The following EMD variants were observed in gnomAD, a reference collection of about 807,000 sequenced individuals.
EMD encodes emerin.
In EMD, 2 loss-of-function variants were observed where a neutral mutation model predicts 15.2. The observed-to-expected ratio is 0.13, with a 90% CI of 0.05 to 0.41. EMD has a LOEUF of 0.41. Among genes scored for constraint, EMD ranks in the 10% least tolerant of loss-of-function variants. EMD has a pLI of 0.99. For missense variants in EMD, 224 were observed against 213.4 expected (o/e 1.05, Z -0.31); for synonymous variants, 122 against 86.2 (o/e 1.42, Z -2.30).
rs371016049 is a variant in EMD at position 154,379,930 on chromosome X, C to T, written c.188-12C>T. 1.1e-4 allele frequency: 134 copies of T among 1,207,316 alleles called. No individual in the cohort carries two copies. Among genetic ancestry groups the T allele is most frequent in the Non-Finnish European group, 1.5e-4 (130 of 892,990 alleles). On this transcript the variant is annotated splice_polypyrimidine_tract_variant and intron_variant, in intron 2 of 5. Coordinates refer to ENST00000369842, the MANE Select transcript of EMD (RefSeq NM_000117.3). ...GGGGGGCAAACAGTTCTGTCTCCTC[C>T]TTTCAATCCAGACTTGAATTCGACT... is the stretch of plus-strand genomic sequence containing the variant.
chrX:154,381,095 C>G lies in EMD; in HGVS notation c.663C>G (p.Arg221=). 2 of 1,212,073 alleles carry G rather than the reference C, an allele frequency of 1.7e-6. No homozygotes were observed. Among genetic ancestry groups the G allele is most frequent in the Non-Finnish European group, 2.2e-6 (2 of 895,481 alleles). The change falls in exon 6 of 6, where the codon CGC becomes CGG. Residue 221 remains arginine (R), a synonymous_variant. Coordinates refer to ENST00000369842, the MANE Select transcript of EMD (RefSeq NM_000117.3). ...RAPGAGLGQD[R]QVPLWGQLLL... is the part of the protein sequence containing the mutation. ...CTGGGGCTGGGCTGGGCCAGGATCG[C>G]CAGGTCCCGCTCTGGGGCCAGCTGC... is the stretch of plus-strand genomic sequence containing the variant.
At position 154,381,191 on chromosome X, in the gene EMD, C is replaced by T. The variant is rs1569552110; in HGVS notation, c.759C>T (p.Pro253=). The change falls in exon 6 of 6, where the codon CCC becomes CCT. Residue 253 remains proline (P), a synonymous_variant. Coordinates refer to ENST00000369842, the MANE Select transcript of EMD (RefSeq NM_000117.3). ...TCATGCAGGCTGAAGAAGGCAACCC[C>T]TTCTAGAGGGAGCCATGAGGGTCTG... ...YHFMQAEEGN[P]F The T allele has an allele frequency of 2.6e-6, 3 of 1,157,957 alleles. No homozygotes were observed. The highest frequency in any genetic ancestry group is 1.8e-5 in the South Asian group (1 of 56,161).
chrX:154,379,554 G>C lies in EMD; in HGVS notation c.70G>C (p.Gly24Arg). 8.5e-7 allele frequency: 1 copy of C among 1,170,100 alleles called. No individual in the cohort carries two copies. Among genetic ancestry groups the C allele is most frequent in the Non-Finnish European group, 1.1e-6 (1 of 874,164 alleles). The change falls in exon 1 of 6, where the codon GGG becomes CGG. Residue 24 changes from glycine to arginine, a missense_variant. Transcript: ENST00000369842. ...GCTGCGCCGGTACAACATCCCGCAC[G>C]GGCCTGTAGTAGGTACGCGGCGGCG... The part of the protein sequence containing the change: ...TLLRRYNIPH[G>R]PVVGSTRRLY...
At chrX:154,380,579 T>G in intron 4 of EMD, 174 bp from the exon 5 acceptor site, 1 of 833,115 alleles carries the variant, frequency 1.2e-6, no homozygotes, top group Non-Finnish European at 1.7e-6. Flanking sequence ...TGAGCACAAG[T>G]GGCAAGGCCC....
Position 154,379,739 on chromosome X carries a change from G to A in EMD, c.132G>A (p.Gln44=), listed in dbSNP as rs1322660028. The A allele has an allele frequency of 5.0e-6, 6 of 1,207,491 alleles. No individual in the cohort carries two copies. In the East Asian group the frequency reaches 8.9e-5, roughly 18 times the overall value. The change falls in exon 2 of 6, where the codon CAG becomes CAA. Residue 44 remains glutamine (Q), a synonymous_variant. Coordinates refer to ENST00000369842, the MANE Select transcript of EMD (RefSeq NM_000117.3). The stretch of plus-strand genomic sequence containing the variant: ...AGAAGATCTTCGAGTACGAGACCCA[G>A]AGGCGGCGGCTCTCGCCCCCCAGCT... ...YEKKIFEYET[Q]RRRLSPPSSS...
intron 4 of EMD, 86 bp from the exon 5 acceptor site, chrX:154,380,667 C>G (rs904996990): frequency 1.7e-6 from 2 of 1,161,918 alleles, no homozygotes; most frequent in Non-Finnish European, 2.3e-6. Flanking sequence ...TCAGAGGGGA[C>G]TGGCTGGGGA....
In EMD at chrX:154,379,356, G is replaced by T; in HGVS notation, c.-129G>T. 2 of 667,039 alleles carry T rather than the reference G, an allele frequency of 3.0e-6. No individual in the cohort carries two copies. The highest frequency in any genetic ancestry group is 5.5e-5 in the South Asian group (2 of 36,175). 55.0% of individuals were successfully genotyped at this position (667,039 alleles called of 1,213,427 possible). A position where few individuals can be genotyped will look rare whatever the true frequency, so the allele number is the denominator to read the frequency against. ...TCGGCTGTGACGCGACAACGATTCG[G>T]CTGTGACGCGAGCGCGGCCGCTCCC... On this transcript the variant is annotated 5_prime_UTR_variant, in exon 1 of 6. Coordinates refer to ENST00000369842, the MANE Select transcript of EMD (RefSeq NM_000117.3).
chrX:154,381,150 T>C lies in EMD; in HGVS notation c.718T>C (p.Phe240Leu), dbSNP rs782644985. The change falls in exon 6 of 6, where the codon TTC becomes CTC. Residue 240 changes from phenylalanine (F) to leucine (L), a missense_variant. Transcript: ENST00000369842. ...LLFLVFVIVL[F>L]FIYHFMQAEE... ...TTTCCTGGTCTTTGTGATCGTCCTCTTCTTCATTTACCACTTCATGCAGGC... is the reference window on the plus strand; with the variant it reads ...TTTCCTGGTCTTTGTGATCGTCCTCCTCTTCATTTACCACTTCATGCAGGC... 1.2e-5 allele frequency: 14 copies of C among 1,209,810 alleles called. No homozygotes were observed. Among genetic ancestry groups the C allele is most frequent in the South Asian group, 5.3e-5 (3 of 56,810 alleles).
rs782552135 is a variant in EMD, at chrX:154,379,784, T to C, written c.177T>C (p.Tyr59=). 14 of 1,201,332 alleles carry C rather than the reference T, an allele frequency of 1.2e-5. No homozygotes were observed. The South Asian group carries it at 1.6e-4, about 14-fold the overall frequency. ...CCAGCTCGTCCGCCGCCTCCTCTTA[T>C]AGCTTCTCTGGTGAGAGCCTCGCCT... is the stretch of plus-strand genomic sequence containing the variant. ...SPPSSSAASS[Y]SFSDLNSTRG... is the part of the protein sequence containing the mutation. The change falls in exon 2 of 6, where the codon TAT becomes TAC. Residue 59 remains tyrosine (Y), a synonymous_variant. Transcript: ENST00000369842.
intron 4 of EMD, 176 bp from the exon 5 acceptor site, chrX:154,380,577 A>G: frequency 1.2e-6 from 1 of 831,572 alleles, no homozygotes; most frequent in Non-Finnish European, 1.7e-6. Context: ...CATGAGCACA[A>G]GTGGCAAGGC....
intron 4 of EMD, 74 bp from the exon 5 acceptor site, chrX:154,380,679 G>T (rs1283023517): frequency 1.7e-6 from 2 of 1,191,197 alleles, no homozygotes; most frequent in South Asian, 1.8e-5. Context: ...GGCTGGGGAA[G>T]TTTGGACTGA....
intron 3 of EMD, 24 bp downstream of exon 3, chrX:154,380,043 C>A (rs1308579752): frequency 4.2e-6 from 5 of 1,203,194 alleles, no homozygotes; most frequent in Non-Finnish European, 5.6e-6. Context: ...TGGGTGGGCA[C>A]GCTGGCACCT....
intron 4 of EMD, 90 bp downstream of exon 4, chrX:154,380,457 A>G: frequency 6.8e-6 from 8 of 1,179,228 alleles, no homozygotes; most frequent in Non-Finnish European, 9.2e-6. Context: ...CTGGGTACAA[A>G]TGGTGGCTCT....
Position 154,379,369 on chromosome X carries a change from C to T in EMD, c.-116C>T. 3 of 758,242 alleles carry T rather than the reference C, an allele frequency of 4.0e-6. No individual in the cohort carries two copies. Among genetic ancestry groups the T allele is most frequent in the Non-Finnish European group, 5.7e-6 (3 of 529,136 alleles). The allele number at this position is 758,242 out of a possible 1,213,427, so 62.5% of individuals were successfully genotyped here. A position where few individuals can be genotyped will look rare whatever the true frequency, so the allele number is the denominator to read the frequency against. On this transcript the variant is annotated 5_prime_UTR_variant, in exon 1 of 6. Coordinates refer to ENST00000369842, the MANE Select transcript of EMD (RefSeq NM_000117.3). Reference sequence around the variant, plus strand: ...GACAACGATTCGGCTGTGACGCGAGCGCGGCCGCTCCCGATGCGCTCGTGC... The same window carrying T: ...GACAACGATTCGGCTGTGACGCGAGTGCGGCCGCTCCCGATGCGCTCGTGC...
In EMD at chrX:154,379,387, G is replaced by A; in HGVS notation, c.-98G>A. 1 of 940,794 alleles carries A rather than the reference G, an allele frequency of 1.1e-6. No homozygotes were observed. 77.5% of individuals were successfully genotyped at this position (940,794 alleles called of 1,213,427 possible). A position where few individuals can be genotyped will look rare whatever the true frequency, so the allele number is the denominator to read the frequency against. On this transcript the variant is annotated 5_prime_UTR_variant, in exon 1 of 6. Transcript: ENST00000369842. ...ACGCGAGCGCGGCCGCTCCCGATGC[G>A]CTCGTGCCGCCCCCGCCGTGCTCCT...
At position 154,381,279 on chromosome X, in the gene EMD, GGGGGCA is replaced by G. The variant is rs1191128249; in HGVS notation, c.*94_*99del. 853 of 903,422 alleles carry G rather than the reference GGGGGCA, an allele frequency of 9.4e-4. 11 individuals are homozygous for G. The African/African-American group carries it at 0.017, about 18-fold the overall frequency. 74.5% of individuals were successfully genotyped at this position (903,422 alleles called of 1,213,427 possible). A position where few individuals can be genotyped will look rare whatever the true frequency, so the allele number is the denominator to read the frequency against. On this transcript the variant is annotated 3_prime_UTR_variant, in exon 6 of 6. Coordinates refer to ENST00000369842, the MANE Select transcript of EMD (RefSeq NM_000117.3). ...CTGCCTTAGCAGTGGGGGTGGGGGT[GGGGGCA>G]GGGGCAGGGGCTTTATGTGTTTTTG...
At position 154,380,791 on chromosome X, in the gene EMD, G is replaced by A. The variant is rs1557182564; in HGVS notation, c.438G>A (p.Glu146=). 8.3e-7 allele frequency: 1 copy of A among 1,212,117 alleles called. No individual in the cohort carries two copies. The highest frequency in any genetic ancestry group is 1.1e-6 in the Non-Finnish European group (1 of 895,610). ...DDDLLSSSEE[E]CKDRERPMYG... ...ATCTTTTGTCTTCTTCTGAAGAGGA[G>A]TGCAAGGATAGGTGCGTAGTGGGGG... is the stretch of plus-strand genomic sequence containing the variant. The change falls in exon 5 of 6, where the codon GAG becomes GAA. Residue 146 remains glutamate (E), a synonymous_variant. Transcript: ENST00000369842.
intron 3 of EMD, 37 bp from the exon 4 acceptor site, chrX:154,380,197 C>T (rs1557182418): frequency 9.1e-6 from 11 of 1,208,706 alleles, no homozygotes; most frequent in African/African-American, 1.7e-5. Flanking sequence ...CGGGGCACAC[C>T]GATGCCCCCT....
At position 154,381,401 on chromosome X, in the gene EMD, C is replaced by T; in HGVS notation, c.*204C>T. ...CAGCAGACTCAGGCCCTCCATGGTCCTCTTTGTCATTTTGTTGACATGCAT... is the reference window on the plus strand; with the variant it reads ...CAGCAGACTCAGGCCCTCCATGGTCTTCTTTGTCATTTTGTTGACATGCAT... On this transcript the variant is annotated 3_prime_UTR_variant, in exon 6 of 6. Coordinates refer to ENST00000369842, the MANE Select transcript of EMD (RefSeq NM_000117.3). 6.6e-6 allele frequency: 3 copies of T among 452,361 alleles called. No individual in the cohort carries two copies. Among genetic ancestry groups the T allele is most frequent in the Admixed American group, 8.9e-5 (2 of 22,460 alleles). 37.3% of individuals were successfully genotyped at this position (452,361 alleles called of 1,213,427 possible).
Sources: allele counts gnomAD v4.1 joint callset, GRCh38; gene constraint gnomAD v4.1.1; transcripts MANE v1.5; gene names NCBI Gene and HGNC (gene_info 2026-07-23, HGNC 2026-07-21).